GTF2F2: variants seen among roughly 807,000 people sequenced by gnomAD.
GTF2F2 encodes general transcription factor IIF subunit 2.
In GTF2F2, 23 loss-of-function variants were observed where a neutral mutation model predicts 42.2. The ratio of observed to expected loss-of-function variants is 0.55; its 90% confidence interval spans 0.39 to 0.77. The LOEUF is 0.77. GTF2F2 is among the 30% of genes least tolerant of loss of function. GTF2F2 has a pLI of 0.00. For synonymous variants in GTF2F2, 105 were observed against 100.8 expected (o/e 1.04, Z -0.25); for missense variants, 261 against 287.2 (o/e 0.91, Z 0.66).
At chr13:45,253,965 G>A (rs1386890745) in intron 6 of GTF2F2, among the ~76,000 whole-genome samples, 1 of 151,828 alleles carries the variant, frequency 6.6e-6, no homozygotes, top group African/African-American at 2.4e-5. Context: ...CCCAGCTGCT[G>A]GGGAGGCTGA....
chr13:45,160,471 C>G (rs1870981372), intron 4 of GTF2F2, among the ~76,000 whole-genome samples: 1 of 152,168 alleles, frequency 6.6e-6, no homozygotes. Context: ...ACATTAAATT[C>G]ACAGGTCTGT....
intron 4 of GTF2F2, among the ~76,000 whole-genome samples, chr13:45,199,735 G>A (rs1157660600): frequency 6.6e-6 from 1 of 152,294 alleles, no homozygotes; most frequent in East Asian, 1.9e-4. Context: ...ATCTCAAAAT[G>A]AAGGGCATAA....
At chr13:45,258,451 A>G (rs531831678) in intron 6 of GTF2F2, among the ~76,000 whole-genome samples, 1 of 152,084 alleles carries the variant, frequency 6.6e-6, no homozygotes, top group Admixed American at 6.5e-5. Context: ...TAGCAAGGGA[A>G]TCTTGGAAAT....
At chr13:45,198,886 A>T (rs1259092333) in intron 4 of GTF2F2, among the ~76,000 whole-genome samples, 1 of 152,206 alleles carries the variant, frequency 6.6e-6, no homozygotes, top group Admixed American at 6.5e-5. Context: ...TGTTAAAAAT[A>T]AAAATTACAC....
At chr13:45,209,095 T>C (rs756209474) in intron 5 of GTF2F2, among the ~76,000 whole-genome samples, 2 of 152,224 alleles carry the variant, frequency 1.3e-5, no homozygotes, top group Non-Finnish European at 2.9e-5. Context: ...GTTTATAAAA[T>C]GGCTGCTTTT....
At chr13:45,141,248 C>A (rs1388533877) in intron 2 of GTF2F2, among the ~76,000 whole-genome samples, 2 of 152,168 alleles carry the variant, frequency 1.3e-5, no homozygotes, top group African/African-American at 2.4e-5. Context: ...ACTTTGATCA[C>A]TAAAGTAAAA....
At chr13:45,283,269 G>A (rs1163848028) in intron 7 of GTF2F2, among the ~76,000 whole-genome samples, 173 bp from the exon 8 acceptor site, 3 of 151,970 alleles carry the variant, frequency 2.0e-5, no homozygotes, top group African/African-American at 4.8e-5. Context: ...TTACCATGTC[G>A]CACATGTAGA....
At chr13:45,257,221 ATTATATGATTATTT>A (rs1876138772) in intron 6 of GTF2F2, among the ~76,000 whole-genome samples, 1 of 152,202 alleles carries the variant, frequency 6.6e-6, no homozygotes, top group Admixed American at 6.5e-5. Flanking sequence ...GCCAAAAAGA[ATTATATGATTATTT>A]TTATCTCTTA....
chr13:45,266,780 T>A (rs1191833520), intron 6 of GTF2F2, among the ~76,000 whole-genome samples: 1 of 152,202 alleles, frequency 6.6e-6, no homozygotes, highest in Non-Finnish European at 1.5e-5. Flanking sequence ...GAGTAACAGG[T>A]CCCAGGTTCT....
chr13:45,215,628 G>A lies in GTF2F2; in HGVS notation c.386+8123G>A, dbSNP rs574410550. 1.1e-3 allele frequency among the ~76,000 whole-genome samples: 163 copies of A among 152,124 alleles called. 1 individual carries two copies. The highest frequency in any genetic ancestry group is 3.7e-3 in the African/African-American group (153 of 41,504). ...ACAGTAAAATTAGCCACATGTAGTGGCAGGTGCCTGTAATCCCAACTACTC... is the reference window on the plus strand; with the variant it reads ...ACAGTAAAATTAGCCACATGTAGTGACAGGTGCCTGTAATCCCAACTACTC... On this transcript the variant is annotated intron_variant, in intron 5 of 7. Coordinates refer to ENST00000340473, the MANE Select transcript of GTF2F2 (RefSeq NM_004128.3).
chr13:45,187,465 A>G (rs1373774651), intron 4 of GTF2F2, among the ~76,000 whole-genome samples: 1 of 152,192 alleles, frequency 6.6e-6, no homozygotes, highest in South Asian at 2.1e-4. Flanking sequence ...TTTGTTTGCT[A>G]GAAAATATTG....
At chr13:45,180,811 T>A (rs1872116398) in intron 4 of GTF2F2, among the ~76,000 whole-genome samples, 1 of 152,122 alleles carries the variant, frequency 6.6e-6, no homozygotes, top group Non-Finnish European at 1.5e-5. Context: ...AGAAGTATAT[T>A]TTTGTATTGG....
intron 6 of GTF2F2, among the ~76,000 whole-genome samples, chr13:45,257,906 A>G (rs963050299): frequency 6.6e-6 from 1 of 152,196 alleles, no homozygotes; most frequent in African/African-American, 2.4e-5. Flanking sequence ...TTGGTGCTCA[A>G]TTCAGAGATT....
intron 4 of GTF2F2, among the ~76,000 whole-genome samples, chr13:45,175,796 G>C (rs1278519406): frequency 6.6e-6 from 1 of 152,038 alleles, no homozygotes; most frequent in Admixed American, 6.5e-5. Context: ...CTAATTGTGT[G>C]TGTTTTTAGT....
chr13:45,261,333 G>A (rs1876333236), intron 6 of GTF2F2, among the ~76,000 whole-genome samples: 1 of 150,812 alleles, frequency 6.6e-6, no homozygotes, highest in Non-Finnish European at 1.5e-5. Flanking sequence ...GGCTGAGGCA[G>A]GAGAATCACT....
chr13:45,245,243 C>T (rs769303767), intron 5 of GTF2F2, among the ~76,000 whole-genome samples: 1 of 151,924 alleles, frequency 6.6e-6, no homozygotes, highest in African/African-American at 2.4e-5. Context: ...GTCTACCCTG[C>T]GTAGGTTATA....
At chr13:45,245,669 AT>A (rs1566149401) in intron 5 of GTF2F2, among the ~76,000 whole-genome samples, 840 of 31,136 alleles carry the variant, frequency 0.027, 2 homozygotes, top group East Asian at 0.041. Flanking sequence ...TGGTGTGAAT[AT>A]ATATATATAT....
chr13:45,274,721 C>A (rs1249435765), intron 7 of GTF2F2, among the ~76,000 whole-genome samples: 1 of 152,052 alleles, frequency 6.6e-6, no homozygotes, highest in Non-Finnish European at 1.5e-5. Context: ...GCAGGCAGAT[C>A]ACTTGAGTCA....
At chr13:45,137,365 C>T (rs1428680319) in intron 2 of GTF2F2, among the ~76,000 whole-genome samples, 1 of 152,194 alleles carries the variant, frequency 6.6e-6, no homozygotes, top group East Asian at 1.9e-4. Flanking sequence ...CATTCTTAAC[C>T]AACTCCATTC....
Sources: allele counts gnomAD v4.1 joint callset (sites outside exome capture counted in the v4.1 genomes callset), GRCh38; gene constraint gnomAD v4.1.1; transcripts MANE v1.5; gene names NCBI Gene and HGNC (gene_info 2026-07-23, HGNC 2026-07-21).